Variants in VSTM2B observed in about 807,000 individuals in gnomAD.
VSTM2B encodes the protein V-set and transmembrane domain containing 2B.
Under a neutral mutation model 24.0 loss-of-function variants are expected in VSTM2B, and 24 were observed. That is an observed-to-expected ratio of 1.00 (90% CI 0.72 to 1.40). The LOEUF (loss-of-function observed/expected upper bound fraction) is 1.40, where lower values mean the gene tolerates loss of function less well. VSTM2B is among the 40% of genes most tolerant of loss of function. VSTM2B has a pLI of 0.00. For synonymous variants in VSTM2B, 226 were observed against 194.4 expected, an observed-to-expected ratio of 1.16 and a Z score of -1.35; for missense variants, 399 against 416.4, an observed-to-expected ratio of 0.96 and a Z score of 0.36.
chr19:29,528,220 C>T (rs1332794046), intron 2 of VSTM2B, among the ~76,000 whole-genome samples: 1 of 152,208 alleles, frequency 6.6e-6, no homozygotes, highest in Non-Finnish European at 1.5e-5. Flanking sequence ...AGGGCAGCCA[C>T]CCGTTGGTCA....
rs1188395001 is a variant in VSTM2B at position 29,530,119 on chromosome 19, A to G, written c.598A>G (p.Lys200Glu). The G allele has an allele frequency of 1.4e-6, 2 of 1,444,994 alleles. No homozygotes were observed. Among genetic ancestry groups the G allele is most frequent in the Admixed American group, 2.9e-5 (1 of 35,016 alleles). 89.5% of individuals were successfully genotyped at this position (1,444,994 alleles called of 1,614,324 possible). A position where few individuals can be genotyped will look rare whatever the true frequency, so the allele number is the denominator to read the frequency against. The change falls in exon 4 of 5, where the codon AAG (lysine) becomes GAG (glutamate). Residue 200 changes from lysine to glutamate, a missense_variant. By Grantham distance (56) the Lys-to-Glu change is moderately conservative. Coordinates refer to ENST00000335523, the MANE Select transcript of VSTM2B (RefSeq NM_001146339.2). ...CACCTCCGAGCCCGGCCGCGGCGAC[A>G]AGAGCCCGCCGCCCGGGAGCCCTCC... ...RTTSEPGRGD[K>E]SPPPGSPPAA...
At chr19:29,528,554 G>C (rs911582195) in intron 3 of VSTM2B, 92 bp downstream of exon 3, 1 of 1,461,020 alleles carries the variant, frequency 6.8e-7, no homozygotes, top group Non-Finnish European at 9.4e-7. Context: ...CGGCGGCCGC[G>C]CATGTGGGGC....
At chr19:29,540,653 A>G (rs1374472981) in intron 4 of VSTM2B, among the ~76,000 whole-genome samples, 1 of 152,190 alleles carries the variant, frequency 6.6e-6, no homozygotes, top group African/African-American at 2.4e-5. Context: ...TAGTTCATTC[A>G]TTCATTCAAT....
rs1433429417 is a variant in VSTM2B at position 29,526,683 on chromosome 19, G to T, written c.82+18G>T. 6.6e-7 allele frequency: 1 copy of T among 1,525,556 alleles called. No homozygotes were observed. Among genetic ancestry groups the T allele is most frequent in the Non-Finnish European group, 8.8e-7 (1 of 1,141,380 alleles). The allele number at this position is 1,525,556 out of a possible 1,614,324, so 94.5% of individuals were successfully genotyped here. A position where few individuals can be genotyped will look rare whatever the true frequency, so the allele number is the denominator to read the frequency against. ...GGCCGACGGTGAGCGCGGGAACTTTGCTGCCGCTGTGGACTCGGGGGGGTC... is the reference window on the plus strand; with the variant it reads ...GGCCGACGGTGAGCGCGGGAACTTTTCTGCCGCTGTGGACTCGGGGGGGTC... On this transcript the variant is annotated intron_variant, in intron 1 of 4. Transcript: ENST00000335523. This position sits in a 1 kb window ranked among gnomAD's most constrained non-coding sequence, Gnocchi z 4.1.
At chr19:29,545,264 G>A (rs1218852443) in intron 4 of VSTM2B, among the ~76,000 whole-genome samples, 5 of 152,142 alleles carry the variant, frequency 3.3e-5, no homozygotes, top group Non-Finnish European at 7.3e-5. Flanking sequence ...TTCAGCCTGA[G>A]ACAGAGACTC....
chr19:29,532,507 C>A (rs1270312754), intron 4 of VSTM2B, among the ~76,000 whole-genome samples: 1 of 152,184 alleles, frequency 6.6e-6, no homozygotes, highest in Non-Finnish European at 1.5e-5. Flanking sequence ...TGGGCCCCAG[C>A]AAGGAAATGT....
chr19:29,543,419 T>C (rs1034598910), intron 4 of VSTM2B, among the ~76,000 whole-genome samples: 2 of 152,226 alleles, frequency 1.3e-5, no homozygotes, highest in African/African-American at 4.8e-5. Context: ...AAGTCCTCAC[T>C]GTGAAACAGA....
At chr19:29,530,712 G>T (rs1466779658) in intron 4 of VSTM2B, among the ~76,000 whole-genome samples, 2 of 152,198 alleles carry the variant, frequency 1.3e-5, no homozygotes. Flanking sequence ...CTGGAGAGCG[G>T]GAGGCGGTTA....
At chr19:29,527,839 A>G (rs968123096) in intron 2 of VSTM2B, among the ~76,000 whole-genome samples, 3 of 152,162 alleles carry the variant, frequency 2.0e-5, no homozygotes, top group Admixed American at 2.0e-4. Context: ...CAGGACCTCC[A>G]GCCCTCAGGG....
At chr19:29,550,447 A>G (rs139874137) in intron 4 of VSTM2B, among the ~76,000 whole-genome samples, 9 of 152,290 alleles carry the variant, frequency 5.9e-5, no homozygotes, top group South Asian at 2.1e-4. Flanking sequence ...CAGTCAATCA[A>G]TCAATGTGCT....
At chr19:29,528,535 A>G in intron 3 of VSTM2B, 73 bp downstream of exon 3, 1 of 1,535,200 alleles carries the variant, frequency 6.5e-7, no homozygotes, top group Non-Finnish European at 8.8e-7. Flanking sequence ...TCCCTCCCTT[A>G]GCAAGCCGCG....
intron 4 of VSTM2B, among the ~76,000 whole-genome samples, chr19:29,538,823 C>T (rs1969956552): frequency 6.6e-6 from 1 of 152,076 alleles, no homozygotes; most frequent in African/African-American, 2.4e-5. Flanking sequence ...ACCTCATTAC[C>T]ATGAGGAGGG....
intron 4 of VSTM2B, among the ~76,000 whole-genome samples, chr19:29,539,381 C>A (rs1028617904): frequency 2.0e-5 from 3 of 152,070 alleles, no homozygotes; most frequent in Admixed American, 2.0e-4. Context: ...CTGGTGTTTG[C>A]AGCACTGGAC....
chr19:29,549,174 C>T (rs1428905735), intron 4 of VSTM2B, among the ~76,000 whole-genome samples: 1 of 152,244 alleles, frequency 6.6e-6, no homozygotes, highest in Non-Finnish European at 1.5e-5. Flanking sequence ...ACTCTGTGTG[C>T]ACCAAACTAG....
Position 29,529,821 on chromosome 19 carries a change from C to A in VSTM2B, c.300C>A (p.Thr100=), listed in dbSNP as rs773973987. 7.1e-6 allele frequency: 11 copies of A among 1,549,140 alleles called. No homozygotes were observed. The South Asian group carries it at 1.2e-4, about 17-fold the overall frequency. Residue 100 remains threonine, a splice_region_variant and synonymous_variant, in exon 4 of 5, where the codon ACC becomes ACA. Coordinates refer to ENST00000335523, the MANE Select transcript of VSTM2B (RefSeq NM_001146339.2). ...VTNKDATKIS[T]VRVQGNDISH... ...CCTCTAACCCTGCTCTCTTGCAGAC[C>A]GTACGCGTCCAGGGCAATGACATCT...
chr19:29,526,363 C>G lies in VSTM2B; in HGVS notation c.-221C>G, dbSNP rs1969563979. ...CAGCAGCCTCCCGGTGGGACCGCGT[C>G]TCCTGCACACCCCGCGCAGCGCCCC... On this transcript the variant is annotated 5_prime_UTR_variant, in exon 1 of 5. Coordinates refer to ENST00000335523, the MANE Select transcript of VSTM2B (RefSeq NM_001146339.2). The surrounding 1 kb of genome is among the most constrained non-coding windows in gnomAD (Gnocchi z 4.1). 1 of 189,484 alleles carries G rather than the reference C, an allele frequency of 5.3e-6. No individual in the cohort carries two copies. The highest frequency in any genetic ancestry group is 1.1e-5 in the Non-Finnish European group (1 of 93,858). 11.7% of individuals were successfully genotyped at this position (189,484 alleles called of 1,614,324 possible). A position where few individuals can be genotyped will look rare whatever the true frequency, so the allele number is the denominator to read the frequency against.
Position 29,531,430 on chromosome 19 carries a change from C to G in VSTM2B, c.769+1140C>G, listed in dbSNP as rs531069072. ...CAAAGGGTGGTCTTCCTGCAGGCTC[C>G]TGGACTACCTGCAGAATCCGCTGGG... On this transcript the variant is annotated intron_variant, in intron 4 of 4. Transcript: ENST00000335523. Among the ~76,000 whole-genome samples, 4 of 152,342 alleles carry G rather than the reference C, an allele frequency of 2.6e-5. No individual in the cohort carries two copies. The East Asian group carries it at 7.7e-4, about 29-fold the overall frequency.
chr19:29,559,770 A>AT (rs1555752687), intron 4 of VSTM2B, among the ~76,000 whole-genome samples: 1 of 152,050 alleles, frequency 6.6e-6, no homozygotes, highest in Non-Finnish European at 1.5e-5. Flanking sequence ...TGTAACATCT[A>AT]TTTGCATGGC....
At chr19:29,543,345 C>T (rs1970067386) in intron 4 of VSTM2B, among the ~76,000 whole-genome samples, 1 of 152,228 alleles carries the variant, frequency 6.6e-6, no homozygotes, top group Admixed American at 6.5e-5. Flanking sequence ...ATAGAATTTT[C>T]AGAGCACTAT....
Sources: gnomAD v4.1 joint callset for allele counts (sites outside exome capture counted in the v4.1 genomes callset) on GRCh38, gnomAD v4.1.1 for gene constraint, Gnocchi (gnomAD v3.1) non-coding constraint, MANE v1.5 for transcripts, NCBI Gene and HGNC (gene_info 2026-07-23, HGNC 2026-07-21) for gene names.